PCDH7: variants seen among roughly 807,000 people sequenced by gnomAD.
PCDH7 encodes the protein protocadherin-7.
In PCDH7, 17 loss-of-function variants were observed where a neutral mutation model predicts 58.9. The ratio of observed to expected loss-of-function variants is 0.29; its 90% confidence interval spans 0.20 to 0.43. PCDH7 has a LOEUF of 0.43. Among genes scored for constraint, PCDH7 ranks in the 20% least tolerant of loss-of-function variants. The pLI is 1.00. For missense variants in PCDH7, 1,274 were observed against 1,441.0 expected, an observed-to-expected ratio of 0.88 and a Z score of 1.88; for synonymous variants, 664 against 616.4, an observed-to-expected ratio of 1.08 and a Z score of -1.14.
intron 1 of PCDH7, among the ~76,000 whole-genome samples, chr4:30,918,805 T>G (rs1333673207): frequency 6.6e-6 from 1 of 152,096 alleles, no homozygotes; most frequent in Non-Finnish European, 1.5e-5. Flanking sequence ...ATTCACAATG[T>G]TTTCAGCTAG....
chr4:31,105,524 A>T (rs1578809622), intron 3 of PCDH7, among the ~76,000 whole-genome samples: 1 of 152,244 alleles, frequency 6.6e-6, no homozygotes, highest in East Asian at 1.9e-4. Context: ...TGCTTGCTCT[A>T]AAGAGTCACT....
At chr4:31,056,758 A>T (rs1757292925) in intron 3 of PCDH7, among the ~76,000 whole-genome samples, 1 of 151,882 alleles carries the variant, frequency 6.6e-6, no homozygotes, top group Non-Finnish European at 1.5e-5. Flanking sequence ...AAAGAAAGAG[A>T]GCCCAATGAT....
chr4:30,843,662 C>T (rs183637430), intron 1 of PCDH7, among the ~76,000 whole-genome samples: 15 of 152,284 alleles, frequency 9.9e-5, no homozygotes, highest in Middle Eastern at 3.4e-3. Context: ...CTAATTTTAA[C>T]ACTTTTAAAT....
chr4:30,720,473 A>C lies in PCDH7; in HGVS notation c.-950A>C, dbSNP rs1208701828. On this transcript the variant is annotated 5_prime_UTR_variant, in exon 1 of 2. Coordinates refer to ENST00000361762, the Ensembl canonical transcript of PCDH7. The surrounding 1 kb of genome is among the most constrained non-coding windows in gnomAD (Gnocchi z 4.7). ...CTGCGAACCCAAACTTGGGCACCGCACGGTGCGCACTGCTCAGCCTTCGCC... is the reference window on the plus strand; with the variant it reads ...CTGCGAACCCAAACTTGGGCACCGCCCGGTGCGCACTGCTCAGCCTTCGCC... The C allele has an allele frequency of 6.5e-6, 1 of 152,728 alleles. No individual in the cohort carries two copies. Among genetic ancestry groups the C allele is most frequent in the Non-Finnish European group, 1.5e-5 (1 of 68,094 alleles). The allele number at this position is 152,728 out of a possible 1,614,324, so 9.5% of individuals were successfully genotyped here.
chr4:31,143,518 T>G (rs534665964), downstream of PCDH7: 2 of 152,336 alleles, frequency 1.3e-5, no homozygotes, highest in African/African-American at 2.4e-5. Flanking sequence ...GTTGTTATTT[T>G]CAGGTCAAGA....
intron 3 of PCDH7, among the ~76,000 whole-genome samples, chr4:30,999,367 G>A (rs958470501): frequency 1.3e-5 from 2 of 152,040 alleles, no homozygotes; most frequent in Non-Finnish European, 2.9e-5. Context: ...CATCCTTCTT[G>A]GCTATTTGTT....
At chr4:31,056,498 AAAG>A (rs1757227722) in intron 3 of PCDH7, among the ~76,000 whole-genome samples, 1 of 136,556 alleles carries the variant, frequency 7.3e-6, no homozygotes, top group East Asian at 3.9e-4. Flanking sequence ...AGAAAGAAAG[AAAG>A]AAAGAAAGAA....
chr4:30,732,551 C>T (rs978386407), exon 2 of PCDH7: 1 of 152,030 alleles, frequency 6.6e-6, no homozygotes, highest in East Asian at 1.9e-4. Context: ...GAGTCTCTAC[C>T]ACAATTAGAA....
At chr4:30,937,135 A>C (rs1467121021) in intron 2 of PCDH7, among the ~76,000 whole-genome samples, 1 of 152,142 alleles carries the variant, frequency 6.6e-6, no homozygotes, top group African/African-American at 2.4e-5. Context: ...TTTTTTAATT[A>C]TGCAAACCAT....
intron 1 of PCDH7, among the ~76,000 whole-genome samples, chr4:30,905,468 AAC>A (rs34098939): frequency 0.64 from 91,871 of 143,122 alleles, 28,321 homozygotes; most frequent in African/African-American, 0.65. Flanking sequence ...GAAAATGAAA[AAC>A]AAAAAAAAAC....
intron 3 of PCDH7, among the ~76,000 whole-genome samples, chr4:30,975,008 A>G (rs1437268938): frequency 1.3e-5 from 2 of 152,172 alleles, no homozygotes; most frequent in Non-Finnish European, 2.9e-5. Context: ...ACCGTATTGT[A>G]GTTCTCTGGC....
At chr4:30,849,152 A>G (rs1732377215) in intron 1 of PCDH7, among the ~76,000 whole-genome samples, 1 of 152,108 alleles carries the variant, frequency 6.6e-6, no homozygotes, top group African/African-American at 2.4e-5. Flanking sequence ...AGTATGGAAA[A>G]CTGCCATCCA....
At chr4:30,905,469 AC>A (rs5857210) in intron 1 of PCDH7, among the ~76,000 whole-genome samples, 2,576 of 21,072 alleles carry the variant, frequency 0.12, 43 homozygotes, top group African/African-American at 0.33. Context: ...AAAATGAAAA[AC>A]AAAAAAAAAC....
At chr4:31,010,626 A>G (rs1753099105) in intron 3 of PCDH7, among the ~76,000 whole-genome samples, 1 of 151,816 alleles carries the variant, frequency 6.6e-6, no homozygotes, top group Admixed American at 6.6e-5. Flanking sequence ...TTTGCATTTC[A>G]CCTAACACTA....
At chr4:30,853,280 A>G (rs896858081) in intron 1 of PCDH7, among the ~76,000 whole-genome samples, 2 of 152,124 alleles carry the variant, frequency 1.3e-5, no homozygotes, top group African/African-American at 4.8e-5. Context: ...TGTGCTACCA[A>G]TCTCCCAGTC....
chr4:30,857,893 A>T (rs1733690667), intron 1 of PCDH7, among the ~76,000 whole-genome samples: 1 of 152,178 alleles, frequency 6.6e-6, no homozygotes, highest in South Asian at 2.1e-4. Flanking sequence ...CTCTTCACAT[A>T]AACAATGCAG....
At chr4:31,072,856 A>G (rs1758667912) in intron 3 of PCDH7, among the ~76,000 whole-genome samples, 3 of 152,162 alleles carry the variant, frequency 2.0e-5, no homozygotes. Flanking sequence ...ACGTTCAGAA[A>G]TGAATAAAAT....
At chr4:30,808,210 A>G (rs1322069949) in intron 1 of PCDH7, among the ~76,000 whole-genome samples, 1 of 152,248 alleles carries the variant, frequency 6.6e-6, no homozygotes, top group African/African-American at 2.4e-5. Context: ...AGCACAGTCG[A>G]TAAATTTCAA....
At chr4:30,875,405 C>G (rs1322820251) in intron 1 of PCDH7, among the ~76,000 whole-genome samples, 1 of 152,006 alleles carries the variant, frequency 6.6e-6, no homozygotes, top group Admixed American at 6.6e-5. Flanking sequence ...GGGGTTAAGA[C>G]TTTCACGTAT....
Sources: allele counts gnomAD v4.1 joint callset (sites outside exome capture counted in the v4.1 genomes callset), GRCh38; gene constraint gnomAD v4.1.1; non-coding constraint Gnocchi (gnomAD v3.1); transcripts MANE v1.5; gene names NCBI Gene and HGNC (gene_info 2026-07-23, HGNC 2026-07-21).